The following TRPC5 variants were observed in gnomAD, a reference collection of about 807,000 sequenced individuals.
TRPC5 encodes the protein transient receptor potential cation channel subfamily C member 5.
A neutral mutation model predicts 56.5 loss-of-function variants in TRPC5; 9 were observed. The ratio of observed to expected loss-of-function variants is 0.16; its 90% CI spans 0.10 to 0.28. The LOEUF is 0.28. TRPC5 is among the 10% of genes least tolerant of loss of function. The pLI, the probability that TRPC5 is intolerant of heterozygous loss-of-function variation, is 1.00. For synonymous variants in TRPC5, 282 were observed against 278.5 expected (o/e 1.01, Z -0.13); for missense variants, 469 against 748.9 (o/e 0.63, Z 4.36).
intron 2 of TRPC5, among the ~76,000 whole-genome samples, chrX:111,914,297 T>C (rs1288649711): frequency 8.9e-6 from 1 of 112,430 alleles, no homozygotes; most frequent in African/African-American, 3.2e-5. Context: ...TTTTGTTTTG[T>C]TTTAGATTTT....
intron 1 of TRPC5, among the ~76,000 whole-genome samples, chrX:112,026,758 T>C (rs1929422264): frequency 9.0e-6 from 1 of 110,824 alleles, no homozygotes; most frequent in Non-Finnish European, 1.9e-5. Context: ...TCTATTTGTA[T>C]GTGTAGAGTC....
intron 1 of TRPC5, among the ~76,000 whole-genome samples, chrX:112,059,787 C>A (rs1930422168): frequency 9.0e-6 from 1 of 111,619 alleles, no homozygotes; most frequent in South Asian, 3.8e-4. Flanking sequence ...CAGTTAGGGA[C>A]CAATGTTGAT....
At chrX:112,076,126 G>T (rs1201908379) in intron 1 of TRPC5, among the ~76,000 whole-genome samples, 2 of 112,179 alleles carry the variant, frequency 1.8e-5, no homozygotes, top group Non-Finnish European at 3.8e-5. Context: ...GGTGATCACA[G>T]AAATCTTAGC....
intron 9 of TRPC5, among the ~76,000 whole-genome samples, chrX:111,779,499 A>C (rs1301984349): frequency 8.9e-6 from 1 of 111,860 alleles, no homozygotes; most frequent in Non-Finnish European, 1.9e-5. Flanking sequence ...CATAGTGAAG[A>C]TATTTTTCTC....
intron 3 of TRPC5, among the ~76,000 whole-genome samples, chrX:111,864,365 T>C (rs749195860): frequency 1.8e-5 from 2 of 112,631 alleles, no homozygotes; most frequent in Non-Finnish European, 3.7e-5. Flanking sequence ...CCAATTGTTA[T>C]CTACTGCCTC....
intron 7 of TRPC5, among the ~76,000 whole-genome samples, chrX:111,820,191 A>G (rs1158732376): frequency 8.9e-6 from 1 of 112,176 alleles, no homozygotes; most frequent in Non-Finnish European, 1.9e-5. Context: ...TCGACAAACT[A>G]TAGATCAGAG....
At chrX:111,989,582 T>A (rs1024206153) in intron 1 of TRPC5, among the ~76,000 whole-genome samples, 1 of 112,196 alleles carries the variant, frequency 8.9e-6, no homozygotes. Flanking sequence ...AATTCATCTA[T>A]TCATCTGCCT....
chrX:111,906,004 C>T (rs1925606043), intron 3 of TRPC5, among the ~76,000 whole-genome samples: 1 of 108,620 alleles, frequency 9.2e-6, no homozygotes, highest in African/African-American at 3.4e-5. Flanking sequence ...ATAAGGTGGA[C>T]AAGGGGGCCA....
chrX:111,891,965 T>C (rs115392837), intron 3 of TRPC5, among the ~76,000 whole-genome samples: 18,206 of 112,024 alleles, frequency 0.16, 2,626 homozygotes, highest in African/African-American at 0.47. Flanking sequence ...AATGTTATTT[T>C]GAAATCATTA....
chrX:111,912,738 G>A lies in TRPC5; in HGVS notation c.453C>T (p.His151=). The change falls in exon 3 of 11, where the codon CAC becomes CAT. Residue 151 remains histidine (H), a synonymous_variant. Coordinates refer to ENST00000262839, the MANE Select transcript of TRPC5 (RefSeq NM_012471.3). ...ATTTGATGATTTCGTAGTTGTTGGT[G>A]TGGGCAGCCAGCATGATGGGAGTGA... is the stretch of plus-strand genomic sequence containing the variant. The part of the protein sequence containing the change: ...PDITPIMLAA[H]TNNYEIIKLL... 1 of 1,208,330 alleles carries A rather than the reference G, an allele frequency of 8.3e-7. No homozygotes were observed. Among genetic ancestry groups the A allele is most frequent in the Non-Finnish European group, 1.1e-6 (1 of 895,506 alleles).
intron 6 of TRPC5, among the ~76,000 whole-genome samples, chrX:111,839,711 T>C (rs1305801975): frequency 9.0e-6 from 1 of 110,637 alleles, no homozygotes; most frequent in Non-Finnish European, 1.9e-5. Flanking sequence ...TTTATTTTTA[T>C]ATTTATTTAT....
At chrX:112,079,470 G>T (rs1230057825) in intron 1 of TRPC5, among the ~76,000 whole-genome samples, 1 of 112,214 alleles carries the variant, frequency 8.9e-6, no homozygotes, top group Non-Finnish European at 1.9e-5. Context: ...CACAGTGTTT[G>T]CAAGTCAAAT....
chrX:111,821,698 G>C (rs1019216568), intron 7 of TRPC5, among the ~76,000 whole-genome samples: 3 of 112,022 alleles, frequency 2.7e-5, no homozygotes, highest in African/African-American at 9.7e-5. Context: ...TAGCTTTCTA[G>C]TCAAATGATT....
chrX:111,970,848 C>A (rs1160728983), intron 1 of TRPC5, among the ~76,000 whole-genome samples: 1 of 106,154 alleles, frequency 9.4e-6, no homozygotes, highest in Non-Finnish European at 1.9e-5. Flanking sequence ...CGGCTCACTG[C>A]AAGCTCCGCC....
intron 1 of TRPC5, among the ~76,000 whole-genome samples, chrX:112,051,170 C>A (rs1323714694): frequency 8.9e-6 from 1 of 112,393 alleles, no homozygotes; most frequent in Non-Finnish European, 1.9e-5. Flanking sequence ...TGCATTGATG[C>A]TGTTTCCTTG....
At chrX:111,980,170 T>C (rs1253838957) in intron 1 of TRPC5, among the ~76,000 whole-genome samples, 2 of 111,842 alleles carry the variant, frequency 1.8e-5, no homozygotes, top group African/African-American at 3.2e-5. Flanking sequence ...CAATGCATGC[T>C]ACAATATTGA....
chrX:111,829,073 G>A (rs1200669225), intron 7 of TRPC5, among the ~76,000 whole-genome samples: 1 of 110,905 alleles, frequency 9.0e-6, no homozygotes, highest in Non-Finnish European at 1.9e-5. Context: ...GGAGGCCAAG[G>A]TGGGTGGATC....
At chrX:111,848,648 A>C (rs1922997384) in intron 5 of TRPC5, among the ~76,000 whole-genome samples, 1 of 112,314 alleles carries the variant, frequency 8.9e-6, no homozygotes, top group Admixed American at 9.5e-5. Context: ...CAGTTCCAAC[A>C]ACTGAGGAAA....
chrX:111,834,487 T>C (rs1386874721), intron 7 of TRPC5, among the ~76,000 whole-genome samples: 1 of 110,897 alleles, frequency 9.0e-6, no homozygotes, highest in African/African-American at 3.3e-5. Context: ...CAGAAGACCA[T>C]CCTTGTCAAT....
Sources: gnomAD v4.1 joint callset for allele counts (sites outside exome capture counted in the v4.1 genomes callset) on GRCh38, gnomAD v4.1.1 for gene constraint, MANE v1.5 for transcripts, NCBI Gene and HGNC (gene_info 2026-07-23, HGNC 2026-07-21) for gene names.